Variants in NRG1 observed in about 807,000 individuals in gnomAD.
NRG1 encodes the protein neuregulin 1.
In NRG1, 18 loss-of-function variants were observed where a neutral mutation model predicts 63.8. The ratio of observed to expected loss-of-function variants is 0.28; its 90% confidence interval spans 0.19 to 0.42. The LOEUF is 0.42. Ranked by LOEUF, NRG1 falls within the 10% of genes least tolerant of loss-of-function variation. The pLI is 1.00. For synonymous variants in NRG1, 302 were observed against 301.3 expected (o/e 1.00, Z -0.02); for missense variants, 762 against 814.7 (o/e 0.94, Z 0.79).
chr8:32,650,454 T>G (rs938694695), intron 5 of NRG1, among the ~76,000 whole-genome samples: 3 of 152,032 alleles, frequency 2.0e-5, no homozygotes, highest in African/African-American at 4.8e-5. Flanking sequence ...CTCTGTTAAT[T>G]TTTTAGACTA....
At chr8:32,635,622 C>T (rs894464789) in intron 5 of NRG1, among the ~76,000 whole-genome samples, 1 of 152,138 alleles carries the variant, frequency 6.6e-6, no homozygotes, top group African/African-American at 2.4e-5. Flanking sequence ...GTAAAACCAC[C>T]TGTCTCTGGG....
At chr8:31,943,707 A>G (rs543141798) in intron 1 of NRG1, among the ~76,000 whole-genome samples, 2 of 152,258 alleles carry the variant, frequency 1.3e-5, no homozygotes, top group Admixed American at 6.5e-5. Flanking sequence ...AACAGAATCA[A>G]GTAATTTGTT....
At chr8:32,692,390 G>T (rs1373997766) in intron 5 of NRG1, among the ~76,000 whole-genome samples, 1 of 152,138 alleles carries the variant, frequency 6.6e-6, no homozygotes, top group East Asian at 1.9e-4. Flanking sequence ...TCTTTGCCTG[G>T]CATTGCTGTG....
intron 1 of NRG1, among the ~76,000 whole-genome samples, chr8:32,317,460 T>G (rs1857534033): frequency 6.6e-6 from 1 of 152,232 alleles, no homozygotes; most frequent in Admixed American, 6.5e-5. Context: ...AATTTTCTCA[T>G]GCTATGCAGA....
chr8:32,212,152 G>T (rs1395043520), intron 1 of NRG1, among the ~76,000 whole-genome samples: 1 of 152,076 alleles, frequency 6.6e-6, no homozygotes, highest in East Asian at 1.9e-4. Flanking sequence ...ATTATGTAAG[G>T]TTTGATTTAC....
chr8:31,839,111 T>C (rs1433380603), intron 1 of NRG1, among the ~76,000 whole-genome samples: 1 of 152,208 alleles, frequency 6.6e-6, no homozygotes, highest in East Asian at 1.9e-4. Flanking sequence ...TGATAATAAT[T>C]TGAGGTCTCC....
chr8:32,273,057 T>C (rs1218937024), intron 1 of NRG1, among the ~76,000 whole-genome samples: 2 of 152,164 alleles, frequency 1.3e-5, no homozygotes, highest in African/African-American at 4.8e-5. Context: ...CTCCATAAAT[T>C]TGCCAAAGTT....
At chr8:31,771,251 C>G (rs1818594738) in intron 1 of NRG1, among the ~76,000 whole-genome samples, 1 of 152,098 alleles carries the variant, frequency 6.6e-6, no homozygotes, top group African/African-American at 2.4e-5. Flanking sequence ...AACTATGCAA[C>G]CTTTTGAGAT....
chr8:32,514,590 A>T (rs1258647420), intron 1 of NRG1, among the ~76,000 whole-genome samples: 2 of 152,188 alleles, frequency 1.3e-5, no homozygotes, highest in African/African-American at 4.8e-5. Context: ...GGATTTTCAA[A>T]TATTACCAAA....
intron 1 of NRG1, among the ~76,000 whole-genome samples, chr8:32,215,118 T>C (rs1225373698): frequency 6.6e-6 from 1 of 152,234 alleles, no homozygotes; most frequent in East Asian, 1.9e-4. Context: ...CTAATATATA[T>C]ACATATATTT....
chr8:32,193,282 T>C (rs1842666288), intron 1 of NRG1, among the ~76,000 whole-genome samples: 1 of 149,142 alleles, frequency 6.7e-6, no homozygotes, highest in Non-Finnish European at 1.5e-5. Flanking sequence ...CACATTGATA[T>C]AGTGCTTTTC....
intron 1 of NRG1, among the ~76,000 whole-genome samples, chr8:32,058,468 C>T (rs2130886592): frequency 6.6e-6 from 1 of 152,194 alleles, no homozygotes; most frequent in East Asian, 1.9e-4. Context: ...TGTTAATGCT[C>T]ACATGAAGCA....
At chr8:31,860,181 G>T (rs1283050954) in intron 1 of NRG1, among the ~76,000 whole-genome samples, 1 of 152,190 alleles carries the variant, frequency 6.6e-6, no homozygotes, top group Non-Finnish European at 1.5e-5. Context: ...CCTGGGTTTT[G>T]CTTTGTGATA....
At chr8:31,781,701 T>C (rs2131615922) in intron 1 of NRG1, among the ~76,000 whole-genome samples, 1 of 152,250 alleles carries the variant, frequency 6.6e-6, no homozygotes, top group East Asian at 1.9e-4. Flanking sequence ...CTCTGAATTA[T>C]AGCCAGTCAT....
At chr8:32,211,052 A>G (rs1028204486) in intron 1 of NRG1, among the ~76,000 whole-genome samples, 1 of 152,222 alleles carries the variant, frequency 6.6e-6, no homozygotes, top group Non-Finnish European at 1.5e-5. Flanking sequence ...TAAAATGAGA[A>G]TCCTAAAATG....
At chr8:32,268,807 T>A (rs1029854763) in intron 1 of NRG1, among the ~76,000 whole-genome samples, 5 of 152,182 alleles carry the variant, frequency 3.3e-5, no homozygotes, top group African/African-American at 1.2e-4. Context: ...CCAAGTCTTT[T>A]TGTGTTCTAT....
At chr8:32,237,341 C>G (rs576903500) in intron 1 of NRG1, among the ~76,000 whole-genome samples, 1 of 152,194 alleles carries the variant, frequency 6.6e-6, no homozygotes, top group African/African-American at 2.4e-5. Flanking sequence ...TTGTGTTAGC[C>G]CTGCATTGCT....
intron 1 of NRG1, among the ~76,000 whole-genome samples, chr8:31,841,937 C>A (rs772804391): frequency 6.6e-6 from 1 of 152,196 alleles, no homozygotes; most frequent in Non-Finnish European, 1.5e-5. Context: ...CCTGCAGAAG[C>A]TTCTCTGGGA....
intron 1 of NRG1, among the ~76,000 whole-genome samples, chr8:31,961,239 C>T (rs1805404307): frequency 1.3e-5 from 2 of 152,128 alleles, no homozygotes; most frequent in South Asian, 4.1e-4. Context: ...CTTGCTGTTC[C>T]TTTTTGAAGG....
Sources: gnomAD v4.1 joint callset for allele counts (sites outside exome capture counted in the v4.1 genomes callset) on GRCh38, gnomAD v4.1.1 for gene constraint, MANE v1.5 for transcripts, NCBI Gene and HGNC (gene_info 2026-07-23, HGNC 2026-07-21) for gene names.